The following NECTIN3 variants were observed in gnomAD, a reference collection of about 807,000 sequenced individuals.
NECTIN3 encodes the protein nectin-3.
Under a neutral mutation model 49.4 loss-of-function variants are expected in NECTIN3, and 8 were observed. That is an observed-to-expected ratio of 0.16 (90% CI 0.10 to 0.29). The LOEUF (loss-of-function observed/expected upper bound fraction) is 0.29, where lower values mean the gene tolerates loss of function less well. Ranked by LOEUF, NECTIN3 falls within the 10% of genes least tolerant of loss-of-function variation. NECTIN3 has a pLI of 1.00. For synonymous variants in NECTIN3, 277 were observed against 241.1 expected, an observed-to-expected ratio of 1.15 and a Z score of -1.38; for missense variants, 581 against 654.6, an observed-to-expected ratio of 0.89 and a Z score of 1.23.
chr3:111,080,821 C>T (rs1287834922), intron 1 of NECTIN3, among the ~76,000 whole-genome samples: 1 of 151,962 alleles, frequency 6.6e-6, no homozygotes, highest in Non-Finnish European at 1.5e-5. Context: ...CTCATTAATA[C>T]GATTAATGGC....
intron 7 of NECTIN3, among the ~76,000 whole-genome samples, chr3:111,180,915 T>G (rs2035614511): frequency 6.6e-6 from 1 of 152,212 alleles, no homozygotes; most frequent in African/African-American, 2.4e-5. Flanking sequence ...GGAGTAATTA[T>G]AATAAAATGA....
chr3:111,095,170 C>T (rs1666637012), intron 1 of NECTIN3, among the ~76,000 whole-genome samples: 2 of 151,978 alleles, frequency 1.3e-5, no homozygotes, highest in Admixed American at 1.3e-4. Context: ...TCAGTCATGC[C>T]ACTAGGAATA....
At chr3:111,165,280 TGATCC>T (rs780112144) in intron 7 of NECTIN3, among the ~76,000 whole-genome samples, 1 of 152,128 alleles carries the variant, frequency 6.6e-6, no homozygotes, top group Non-Finnish European at 1.5e-5. Flanking sequence ...CCTGACCTCG[TGATCC>T]GCCCACCTCG....
In NECTIN3 at chr3:111,071,988, C is replaced by T. The variant is rs1197021621; in HGVS notation, c.-30C>T. The T allele has an allele frequency of 1.8e-6, 2 of 1,086,678 alleles. No homozygotes were observed. The highest frequency in any genetic ancestry group is 4.2e-5 in the Admixed American group (1 of 23,842). The allele number at this position is 1,086,678 out of a possible 1,614,324, so 67.3% of individuals were successfully genotyped here. A position where few individuals can be genotyped will look rare whatever the true frequency, so the allele number is the denominator to read the frequency against. The stretch of plus-strand genomic sequence containing the variant: ...GGGGCCGGGGGAGCCGGGGGGCGGG[C>T]GGGCGAGCGGGCCGGGGGGAGGGTG... On this transcript the variant is annotated 5_prime_UTR_variant, in exon 1 of 6. Transcript: ENST00000485303.
intron 7 of NECTIN3, among the ~76,000 whole-genome samples, chr3:111,155,504 TG>T (rs2035079232): frequency 6.6e-6 from 1 of 152,330 alleles, no homozygotes; most frequent in East Asian, 1.9e-4. Context: ...GTTTATGTGT[TG>T]GGAGCAATTC....
Position 111,135,350 on chromosome 3 carries a change from T to C in NECTIN3, c.*1135T>C, listed in dbSNP as rs946387500. 3.2e-5 allele frequency: 30 copies of C among 941,804 alleles called. No homozygotes were observed. The highest frequency in any genetic ancestry group is 3.8e-5 in the Non-Finnish European group (30 of 790,666). 58.3% of individuals were successfully genotyped at this position (941,804 alleles called of 1,614,324 possible). ...CTAAGTGTATGTATGTGTTTTAAGA[T>C]TTCTGTTTTTACGATTAAAACTGGA... On this transcript the variant is annotated 3_prime_UTR_variant, in exon 6 of 6. Coordinates refer to ENST00000485303, the MANE Select transcript of NECTIN3 (RefSeq NM_015480.3).
chr3:111,189,232 A>C (rs1377108910), upstream of NECTIN3, among the ~76,000 whole-genome samples: 1 of 152,166 alleles, frequency 6.6e-6, no homozygotes, highest in Non-Finnish European at 1.5e-5. Flanking sequence ...ATTAAGTCAC[A>C]CTATTAGACA....
chr3:111,088,226 A>C (rs946853251), intron 1 of NECTIN3, among the ~76,000 whole-genome samples: 1 of 152,058 alleles, frequency 6.6e-6, no homozygotes, highest in South Asian at 2.1e-4. Context: ...TGTTAAAAAG[A>C]GTCTGGCACC....
intron 7 of NECTIN3, among the ~76,000 whole-genome samples, chr3:111,186,490 G>C (rs2035722212): frequency 6.6e-6 from 1 of 151,948 alleles, no homozygotes. Flanking sequence ...ATGATGCTAG[G>C]GTAAATGGCT....
intron 4 of NECTIN3, among the ~76,000 whole-genome samples, chr3:111,124,381 T>C (rs1305985788): frequency 6.6e-6 from 1 of 152,190 alleles, no homozygotes; most frequent in East Asian, 1.9e-4. Context: ...ATGCTTTTGT[T>C]GTAGGTTTAA....
At chr3:111,192,547 A>C in intron 1 of NECTIN3, 1 of 901,218 alleles carries the variant, frequency 1.1e-6, no homozygotes, top group Non-Finnish European at 1.6e-6. Context: ...AAGATCTGGT[A>C]GTCCTTGAAT....
chr3:111,073,162 G>T (rs968448117), intron 1 of NECTIN3, among the ~76,000 whole-genome samples: 1 of 152,130 alleles, frequency 6.6e-6, no homozygotes, highest in East Asian at 1.9e-4. Flanking sequence ...ACTGCGAGTA[G>T]TTATTTATTT....
Position 111,124,210 on chromosome 3 carries a change from G to T in NECTIN3, c.917+1972G>T, listed in dbSNP as rs564980730. Among the ~76,000 whole-genome samples, 149 of 152,136 alleles carry T rather than the reference G, an allele frequency of 9.8e-4. 1 individual carries two copies. Among genetic ancestry groups the T allele is most frequent in the Non-Finnish European group, 1.6e-3 (112 of 67,958 alleles). On this transcript the variant is annotated intron_variant, in intron 4 of 5. Coordinates refer to ENST00000485303, the MANE Select transcript of NECTIN3 (RefSeq NM_015480.3). ...TGTTTCTAAAAGCCATACAACTCTG[G>T]ATTCTCATCCCAATGTCTAAACTTC...
At position 111,071,957 on chromosome 3, in the gene NECTIN3, G is replaced by C; in HGVS notation, c.-61G>C. The C allele has an allele frequency of 7.8e-7, 1 of 1,275,500 alleles. No homozygotes were observed. Among genetic ancestry groups the C allele is most frequent in the Non-Finnish European group, 1.0e-6 (1 of 979,836 alleles). 79.0% of individuals were successfully genotyped at this position (1,275,500 alleles called of 1,614,324 possible). A position where few individuals can be genotyped will look rare whatever the true frequency, so the allele number is the denominator to read the frequency against. Reference sequence around the variant, plus strand: ...TCCACAGCCTCCGCCCAGAGCCTGAGGCGCCGGGGCCGGGGGAGCCGGGGG... The same window carrying C: ...TCCACAGCCTCCGCCCAGAGCCTGACGCGCCGGGGCCGGGGGAGCCGGGGG... On this transcript the variant is annotated 5_prime_UTR_variant, in exon 1 of 6. Coordinates refer to ENST00000485303, the MANE Select transcript of NECTIN3 (RefSeq NM_015480.3).
upstream of NECTIN3, among the ~76,000 whole-genome samples, chr3:111,191,285 G>T (rs113709589): frequency 4.5e-3 from 678 of 152,234 alleles, 7 homozygotes; most frequent in African/African-American, 0.015. Flanking sequence ...GTAAAATAAA[G>T]ATATTAGTTT....
intron 1 of NECTIN3, among the ~76,000 whole-genome samples, chr3:111,093,297 A>T (rs576308225): frequency 1.3e-5 from 2 of 152,144 alleles, no homozygotes; most frequent in Non-Finnish European, 2.9e-5. Flanking sequence ...ATATAGAAGG[A>T]TGCATTTGGA....
At chr3:111,176,445 T>G (rs1456569083) in intron 7 of NECTIN3, among the ~76,000 whole-genome samples, 1 of 152,182 alleles carries the variant, frequency 6.6e-6, no homozygotes, top group African/African-American at 2.4e-5. Flanking sequence ...GCAGGTCACT[T>G]AAAACTTTAG....
At chr3:111,114,959 C>A (rs1376746709) in intron 2 of NECTIN3, among the ~76,000 whole-genome samples, 2 of 152,084 alleles carry the variant, frequency 1.3e-5, no homozygotes, top group Non-Finnish European at 2.9e-5. Context: ...ACACTGGAAC[C>A]AACCCTCACC....
In NECTIN3 at chr3:111,071,949, G is replaced by C; in HGVS notation, c.-69G>C. The C allele has an allele frequency of 8.2e-7, 1 of 1,217,300 alleles. No individual in the cohort carries two copies. Among genetic ancestry groups the C allele is most frequent in the South Asian group, 1.9e-5 (1 of 53,888 alleles). The allele number at this position is 1,217,300 out of a possible 1,614,324, so 75.4% of individuals were successfully genotyped here. Reference sequence around the variant, plus strand: ...CCGGACCTTCCACAGCCTCCGCCCAGAGCCTGAGGCGCCGGGGCCGGGGGA... The same window carrying C: ...CCGGACCTTCCACAGCCTCCGCCCACAGCCTGAGGCGCCGGGGCCGGGGGA... On this transcript the variant is annotated 5_prime_UTR_variant, in exon 1 of 6. Transcript: ENST00000485303.
Sources: gnomAD v4.1 joint callset for allele counts (sites outside exome capture counted in the v4.1 genomes callset) on GRCh38, gnomAD v4.1.1 for gene constraint, MANE v1.5 for transcripts, NCBI Gene and HGNC (gene_info 2026-07-23, HGNC 2026-07-21) for gene names.